UNC5D: variants seen among roughly 807,000 people sequenced by gnomAD.
UNC5D encodes the protein netrin receptor UNC5D.
UNC5D carries 39 observed loss-of-function variants against 105.4 expected under a neutral mutation model. That is an observed-to-expected ratio of 0.37 (90% confidence interval 0.29 to 0.48). UNC5D has a LOEUF of 0.48. Ranked by LOEUF, UNC5D falls within the 20% of genes least tolerant of loss-of-function variation. UNC5D has a pLI of 0.98. For missense variants in UNC5D, 991 were observed against 1,202.4 expected (o/e 0.82, Z 2.60); for synonymous variants, 452 against 450.4 (o/e 1.00, Z -0.04).
chr8:35,249,142 T>C (rs912201378), intron 1 of UNC5D, among the ~76,000 whole-genome samples: 5 of 136,078 alleles, frequency 3.7e-5, no homozygotes, highest in African/African-American at 1.4e-4. Flanking sequence ...TATAATTATA[T>C]ATAAAATCTA....
chr8:35,544,494 C>T, intron 1 of UNC5D: 1 of 1,613,412 alleles, frequency 6.2e-7, no homozygotes, highest in East Asian at 2.2e-5. Flanking sequence ...TGTGCTGGGA[C>T]TTCCGGGTTC....
chr8:35,517,641 T>C (rs775073516), intron 1 of UNC5D, among the ~76,000 whole-genome samples: 6 of 152,190 alleles, frequency 3.9e-5, no homozygotes, highest in Non-Finnish European at 8.8e-5. Flanking sequence ...TAATGCAAAG[T>C]ATGAATTACT....
chr8:35,750,901 G>T, intron 13 of UNC5D, 92 bp downstream of exon 13: 4 of 1,504,812 alleles, frequency 2.7e-6, no homozygotes, highest in East Asian at 2.3e-5. Context: ...ATTACTGAGG[G>T]TCTAGAAAAT....
At position 35,726,258 on chromosome 8, in the gene UNC5D, A is replaced by G. The variant is rs757970465; in HGVS notation, c.1410A>G (p.Thr470=). Residue 470 remains threonine (T), a synonymous_variant, in exon 10 of 17, where the codon ACA becomes ACG. Coordinates refer to ENST00000404895, the MANE Select transcript of UNC5D (RefSeq NM_080872.4). The stretch of plus-strand genomic sequence containing the variant: ...ACCCTCTGGACAAGGAGCTCATGAC[A>G]GAGTCCTCACTCTTTAACCCTTTGT... ...LQDPLDKELM[T]ESSLFNPLSD... The G allele has an allele frequency of 1.9e-6, 3 of 1,614,128 alleles. No individual in the cohort carries two copies. The highest frequency in any genetic ancestry group is 1.1e-5 in the South Asian group (1 of 91,086).
intron 7 of UNC5D, among the ~76,000 whole-genome samples, chr8:35,692,521 T>C (rs1826478357): frequency 6.6e-6 from 1 of 152,216 alleles, no homozygotes; most frequent in Non-Finnish European, 1.5e-5. Flanking sequence ...ATACTTCTTT[T>C]GTTTATGGGA....
rs114032871 is a variant in UNC5D, at chr8:35,489,153, C to T, written c.104-60139C>T. Among the ~76,000 whole-genome samples, 843 of 151,998 alleles carry T rather than the reference C, an allele frequency of 5.5e-3. 12 individuals carry two copies. The highest frequency in any genetic ancestry group is 0.02 in the African/African-American group (813 of 41,452). On this transcript the variant is annotated intron_variant, in intron 1 of 16. Transcript: ENST00000404895. The stretch of plus-strand genomic sequence containing the variant: ...TCCCAAGTAGCTGGGACTACAAGTC[C>T]GTGCTGCCACATCCCGGCTAATTGT...
At chr8:35,372,094 G>C (rs1802457753) in intron 1 of UNC5D, among the ~76,000 whole-genome samples, 1 of 152,006 alleles carries the variant, frequency 6.6e-6, no homozygotes, top group South Asian at 2.1e-4. Context: ...ATTTGATTTG[G>C]CTCATCTCTA....
rs751520550 is a variant in UNC5D, at chr8:35,274,316, G to C, written c.103+38429G>C. ...ATGATTTAGCAAATCTCTAGAGAAG[G>C]ATTTGTCTTAAGAACTCATTGCTTA... is the stretch of plus-strand genomic sequence containing the variant. On this transcript the variant is annotated intron_variant, in intron 1 of 16. Coordinates refer to ENST00000404895, the MANE Select transcript of UNC5D (RefSeq NM_080872.4). 6.2e-4 allele frequency among the ~76,000 whole-genome samples: 95 copies of C among 152,220 alleles called. 1 individual carries two copies. Among genetic ancestry groups the C allele is most frequent in the Non-Finnish European group, 1.2e-3 (84 of 68,036 alleles).
Position 35,790,441 on chromosome 8 carries a change from G to A in UNC5D, c.2740G>A (p.Asp914Asn), listed in dbSNP as rs1384718354. The A allele has an allele frequency of 6.2e-7, 1 of 1,613,838 alleles. No homozygotes were observed. Among genetic ancestry groups the A allele is most frequent in the South Asian group, 1.1e-5 (1 of 91,090 alleles). Residue 914 changes from aspartate to asparagine, a missense_variant, in exon 17 of 17, where the codon GAT (aspartate) becomes AAT (asparagine). Asp to Asn is a conservative substitution (Grantham distance 23, BLOSUM62 1). Coordinates refer to ENST00000404895, the MANE Select transcript of UNC5D (RefSeq NM_080872.4). ...LWEARHQHDG[D>N]LDSLACALEE... Reference sequence around the variant, plus strand: ...GGAAGCTCGTCATCAGCATGATGGTGATCTTGACTCCCTGGCCTGTGCCCT... The same window carrying A: ...GGAAGCTCGTCATCAGCATGATGGTAATCTTGACTCCCTGGCCTGTGCCCT...
rs866793192 is a variant in UNC5D, at chr8:35,631,564, C to T, written c.570+35907C>T. ...TATTTGTCTTTGTCACCACAGTCCA[C>T]GTATGGACTTGGGAAATTAGAGTTT... On this transcript the variant is annotated intron_variant, in intron 4 of 16. Transcript: ENST00000404895. Among the ~76,000 whole-genome samples, 176 of 152,296 alleles carry T rather than the reference C, an allele frequency of 1.2e-3. 1 individual carries two copies. The highest frequency in any genetic ancestry group is 4.0e-3 in the African/African-American group (167 of 41,566).
intron 1 of UNC5D, among the ~76,000 whole-genome samples, chr8:35,237,937 T>G (rs1802575237): frequency 6.6e-6 from 1 of 152,106 alleles, no homozygotes; most frequent in East Asian, 1.9e-4. Flanking sequence ...AGTTCTCCCT[T>G]CCCAGAAAGG....
At chr8:35,469,559 C>G (rs1240975789) in intron 1 of UNC5D, among the ~76,000 whole-genome samples, 1 of 152,178 alleles carries the variant, frequency 6.6e-6, no homozygotes, top group Non-Finnish European at 1.5e-5. Context: ...TTGGAATACT[C>G]ACTTAATATA....
At chr8:35,242,969 T>C (rs192150529) in intron 1 of UNC5D, among the ~76,000 whole-genome samples, 235 of 152,270 alleles carry the variant, frequency 1.5e-3, no homozygotes, top group Non-Finnish European at 2.4e-3. Context: ...CAAATGATCA[T>C]GGGTTATGGA....
In UNC5D at chr8:35,509,796, C is replaced by A. The variant is rs143506197; in HGVS notation, c.104-39496C>A. Among the ~76,000 whole-genome samples the A allele has an allele frequency of 3.3e-3, 508 of 152,120 alleles. 5 individuals carry two copies. The highest frequency in any genetic ancestry group is 0.011 in the African/African-American group (466 of 41,530). On this transcript the variant is annotated intron_variant, in intron 1 of 16. Transcript: ENST00000404895. ...CCCACAGGTTGAAGGCTTAGTTCCA[C>A]ACAATTGTCTCCACTTCAGATGCCA...
rs1432233540 is a variant in UNC5D, at chr8:35,496,598, TC to T, written c.104-52692del. Among the ~76,000 whole-genome samples the T allele has an allele frequency of 3.0e-4, 45 of 152,142 alleles. 1 individual carries two copies. The highest frequency in any genetic ancestry group is 2.9e-3 in the Admixed American group (45 of 15,268). On this transcript the variant is annotated intron_variant, in intron 1 of 16. Transcript: ENST00000404895. ...GAGAAGGAAGGGAGTCACGCGTCACTCCTACTTATGTAATTTTTAAAAACAG... is the reference window on the plus strand; with the variant it reads ...GAGAAGGAAGGGAGTCACGCGTCACTCTACTTATGTAATTTTTAAAAACAG...
chr8:35,541,933 T>C (rs937453376), intron 1 of UNC5D, among the ~76,000 whole-genome samples: 2 of 152,134 alleles, frequency 1.3e-5, no homozygotes, highest in South Asian at 2.1e-4. Context: ...AAATCTGAAG[T>C]TCTTTAAGGA....
At chr8:35,359,953 A>G (rs2128917103) in intron 1 of UNC5D, among the ~76,000 whole-genome samples, 1 of 152,332 alleles carries the variant, frequency 6.6e-6, no homozygotes, top group Admixed American at 6.5e-5. Flanking sequence ...TTAGGCTCTC[A>G]GGTATAGATG....
intron 1 of UNC5D, among the ~76,000 whole-genome samples, chr8:35,367,987 A>G (rs1028948707): frequency 4.6e-5 from 7 of 152,142 alleles, no homozygotes; most frequent in African/African-American, 1.7e-4. Flanking sequence ...TTTCTTGTAA[A>G]GTATGCCCAT....
chr8:35,757,591 T>C (rs1046546948), intron 13 of UNC5D, among the ~76,000 whole-genome samples: 26 of 152,206 alleles, frequency 1.7e-4, no homozygotes, highest in African/African-American at 6.0e-4. Context: ...ATAGATACTA[T>C]ATTAGAACAA....
Sources: allele counts gnomAD v4.1 joint callset (sites outside exome capture counted in the v4.1 genomes callset), GRCh38; gene constraint gnomAD v4.1.1; transcripts MANE v1.5; gene names NCBI Gene and HGNC (gene_info 2026-07-23, HGNC 2026-07-21).